The following FBXO9 variants were observed in gnomAD, a reference collection of about 807,000 sequenced individuals.
FBXO9 encodes F-box only protein 9.
Under a neutral mutation model 63.7 loss-of-function variants are expected in FBXO9, and 43 were observed. The ratio of observed to expected loss-of-function variants is 0.67; its 90% confidence interval spans 0.53 to 0.87. The LOEUF is 0.87. FBXO9 is among the 40% of genes least tolerant of loss of function. FBXO9 has a pLI of 0.00. For missense variants in FBXO9, 442 were observed against 533.2 expected, an observed-to-expected ratio of 0.83 and a Z score of 1.68; for synonymous variants, 156 against 171.7, an observed-to-expected ratio of 0.91 and a Z score of 0.72.
intron 7 of FBXO9, 65 bp from the exon 8 acceptor site, chr6:53,092,364 G>A: frequency 8.2e-7 from 1 of 1,214,762 alleles, no homozygotes; most frequent in Non-Finnish European, 1.2e-6. Context: ...ATGGCTGATA[G>A]CAAAAATATT....
In FBXO9 at chr6:53,097,956, A is replaced by G. The variant is rs1456221888; in HGVS notation, c.*126A>G. On this transcript the variant is annotated 3_prime_UTR_variant, in exon 13 of 13. Coordinates refer to ENST00000323557, the MANE Select transcript of FBXO9 (RefSeq NM_033480.3). ...TATATATATATATATATATATATAT[A>G]TATATATATATATATATATGGAATT... 63 of 151,540 alleles carry G rather than the reference A, an allele frequency of 4.2e-4. 13 individuals carry two copies. The highest frequency in any genetic ancestry group is 2.5e-4 in the Non-Finnish European group (19 of 75,430). The allele number at this position is 151,540 out of a possible 1,614,324, so 9.4% of individuals were successfully genotyped here.
rs57607929 is a variant in FBXO9 at position 53,097,926 on chromosome 6, G to GTATATATATATATA, written c.*132_*145dup. On this transcript the variant is annotated 3_prime_UTR_variant, in exon 13 of 13. Coordinates refer to ENST00000323557, the MANE Select transcript of FBXO9 (RefSeq NM_033480.3). ...TAAATGTGTGTGTGTGCGTGTGTGT[G>GTATATATATATATA]TATATATATATATATATATATATAT... 5 of 88,298 alleles carry GTATATATATATATA rather than the reference G, an allele frequency of 5.7e-5. No homozygotes were observed. The highest frequency in any genetic ancestry group is 7.9e-5 in the Non-Finnish European group (4 of 50,910). The allele number at this position is 88,298 out of a possible 1,614,324, so 5.5% of individuals were successfully genotyped here.
chr6:53,074,965 A>T lies in FBXO9; in HGVS notation c.249+1326A>T, dbSNP rs115780245. Among the ~76,000 whole-genome samples the T allele has an allele frequency of 3.4e-3, 510 of 152,096 alleles. 1 individual carries two copies. The highest frequency in any genetic ancestry group is 0.012 in the African/African-American group (491 of 41,478). Reference sequence around the variant, plus strand: ...ATAATTTTCACTTCTCTGGGATGAAACCCCAAGAGTACAATTGCTAAGTTC... The same window carrying T: ...ATAATTTTCACTTCTCTGGGATGAATCCCCAAGAGTACAATTGCTAAGTTC... On this transcript the variant is annotated intron_variant, in intron 3 of 12. Transcript: ENST00000323557.
At chr6:53,091,321 T>C (rs1452622349) in intron 7 of FBXO9, 1 of 152,246 alleles carries the variant, frequency 6.6e-6, no homozygotes, top group African/African-American at 2.4e-5. Context: ...TACTTTTAGT[T>C]ATAGCAGAAT....
chr6:53,078,110 G>C (rs569280419), intron 4 of FBXO9, among the ~76,000 whole-genome samples: 5 of 152,190 alleles, frequency 3.3e-5, no homozygotes, highest in Non-Finnish European at 5.9e-5. Flanking sequence ...ATTCCACCCA[G>C]TAGGAAGCAT....
rs148056744 is a variant in FBXO9 at position 53,090,025 on chromosome 6, T to C, written c.654-2404T>C. 4.3e-4 allele frequency among the ~76,000 whole-genome samples: 65 copies of C among 152,326 alleles called. 1 individual carries two copies. In the East Asian group the frequency reaches 0.011, roughly 26 times the overall value. ...CATGCCATAGTAAACCATGTGCTTA[T>C]TCAGGGAGGTAAAGGCAGGCAGGTT... is the stretch of plus-strand genomic sequence containing the variant. On this transcript the variant is annotated intron_variant, in intron 7 of 12. Coordinates refer to ENST00000323557, the MANE Select transcript of FBXO9 (RefSeq NM_033480.3).
chr6:53,083,801 T>C (rs1396895843), intron 7 of FBXO9, among the ~76,000 whole-genome samples: 2 of 152,212 alleles, frequency 1.3e-5, no homozygotes, highest in African/African-American at 4.8e-5. Context: ...TTTAACAACT[T>C]TCACATTTTC....
chr6:53,088,824 T>A (rs1484876079), intron 7 of FBXO9, among the ~76,000 whole-genome samples: 1 of 152,046 alleles, frequency 6.6e-6, no homozygotes, highest in Non-Finnish European at 1.5e-5. Context: ...GGCCTCTAAC[T>A]CCCAACCGCA....
chr6:53,078,693 G>T, intron 4 of FBXO9, 106 bp from the exon 5 acceptor site: 1 of 738,838 alleles, frequency 1.4e-6, no homozygotes, highest in South Asian at 1.8e-5. Flanking sequence ...AACAGAATTT[G>T]GCCGTTTGTA....
chr6:53,092,906 T>C, intron 9 of FBXO9, 82 bp downstream of exon 9: 1 of 918,624 alleles, frequency 1.1e-6, no homozygotes, highest in Non-Finnish European at 1.6e-6. Context: ...TTTGTTGCTT[T>C]TGATTGACCC....
chr6:53,084,538 CA>C (rs1769414121), intron 7 of FBXO9, among the ~76,000 whole-genome samples: 1 of 152,156 alleles, frequency 6.6e-6, no homozygotes, highest in Non-Finnish European at 1.5e-5. Flanking sequence ...ACAGCTTTCA[CA>C]AAAACATCAG....
intron 7 of FBXO9, among the ~76,000 whole-genome samples, chr6:53,084,892 C>G (rs1769432288): frequency 6.6e-6 from 1 of 152,064 alleles, no homozygotes; most frequent in South Asian, 2.1e-4. Context: ...CACTTAGGGT[C>G]TTAAGGTTCT....
At chr6:53,089,961 A>G (rs1368961493) in intron 7 of FBXO9, among the ~76,000 whole-genome samples, 1 of 152,216 alleles carries the variant, frequency 6.6e-6, no homozygotes, top group Non-Finnish European at 1.5e-5. Flanking sequence ...ACAAATGCCC[A>G]AAAGTTATTT....
chr6:53,096,377 A>G (rs373392047), intron 12 of FBXO9, among the ~76,000 whole-genome samples: 4 of 152,224 alleles, frequency 2.6e-5, no homozygotes, highest in Non-Finnish European at 2.9e-5. Flanking sequence ...TTCTGCTTGA[A>G]TCTAAAATTC....
rs1173965469 is a variant in FBXO9, at chr6:53,098,261, C to A, written c.*431C>A. On this transcript the variant is annotated 3_prime_UTR_variant, in exon 13 of 13. Transcript: ENST00000323557. ...CTCCACTGGATAAGCATTTTATTTCCCGCATGGCATAATGTTTTTGCACTA... is the reference window on the plus strand; with the variant it reads ...CTCCACTGGATAAGCATTTTATTTCACGCATGGCATAATGTTTTTGCACTA... The A allele has an allele frequency of 3.9e-6, 1 of 256,310 alleles. No homozygotes were observed. The highest frequency in any genetic ancestry group is 8.8e-6 in the Non-Finnish European group (1 of 113,248). The allele number at this position is 256,310 out of a possible 1,614,324, so 15.9% of individuals were successfully genotyped here. A position where few individuals can be genotyped will look rare whatever the true frequency, so the allele number is the denominator to read the frequency against.
chr6:53,066,891 T>A (rs1768721590), intron 1 of FBXO9, among the ~76,000 whole-genome samples: 1 of 152,238 alleles, frequency 6.6e-6, no homozygotes, highest in Admixed American at 6.5e-5. Flanking sequence ...ATTGACCAAA[T>A]GTCAACTCAG....
chr6:53,093,493 T>C lies in FBXO9; in HGVS notation c.891T>C (p.His297=), dbSNP rs1309757365. The change falls in exon 10 of 13, where the codon CAT becomes CAC. Residue 297 remains histidine (H), a synonymous_variant. Coordinates refer to ENST00000323557, the MANE Select transcript of FBXO9 (RefSeq NM_033480.3). ...ACATAAGATTCTTTCCTGATGGCCA[T>C]GTGATGATGTTGACAACCCCTGAAG... ...YRYIRFFPDG[H]VMMLTTPEEP... 17 of 1,613,558 alleles carry C rather than the reference T, an allele frequency of 1.1e-5. No homozygotes were observed. Among genetic ancestry groups the C allele is most frequent in the Non-Finnish European group, 1.4e-5 (17 of 1,179,672 alleles).
chr6:53,082,797 A>G (rs1769357918), intron 7 of FBXO9, among the ~76,000 whole-genome samples, 179 bp downstream of exon 7: 1 of 152,248 alleles, frequency 6.6e-6, no homozygotes, highest in African/African-American at 2.4e-5. Flanking sequence ...AGGCTAGAAT[A>G]TGCTAGGTTT....
In FBXO9 at chr6:53,087,562, T is replaced by C. The variant is rs943420256; in HGVS notation, c.654-4867T>C. On this transcript the variant is annotated intron_variant, in intron 7 of 12. Transcript: ENST00000323557. ...ATGTGCAGGAGTGGTACAGCAAAAG[T>C]TGAACTTCTGATATAAATCTGAGAA... 2.0e-5 allele frequency among the ~76,000 whole-genome samples: 3 copies of C among 152,206 alleles called. 1 individual carries two copies. The highest frequency in any genetic ancestry group is 4.2e-4 in the South Asian group (2 of 4,818).
Sources: gnomAD v4.1 joint callset for allele counts (sites outside exome capture counted in the v4.1 genomes callset) on GRCh38, gnomAD v4.1.1 for gene constraint, MANE v1.5 for transcripts, NCBI Gene and HGNC (gene_info 2026-07-23, HGNC 2026-07-21) for gene names.